The following SLMAP variants were observed in gnomAD, a reference collection of about 807,000 sequenced individuals.
SLMAP encodes sarcolemma associated protein.
A neutral mutation model predicts 128.8 loss-of-function variants in SLMAP; 44 were observed. The ratio of observed to expected loss-of-function variants is 0.34; its 90% confidence interval spans 0.27 to 0.44. The LOEUF (loss-of-function observed/expected upper bound fraction) is 0.44, where lower values mean the gene tolerates loss of function less well. SLMAP is among the 20% of genes least tolerant of loss of function. SLMAP has a pLI of 1.00. For missense variants in SLMAP, 787 were observed against 985.3 expected (o/e 0.80, Z 2.69); for synonymous variants, 327 against 348.8 (o/e 0.94, Z 0.70).
intron 14 of SLMAP, among the ~76,000 whole-genome samples, chr3:57,882,679 G>A (rs1025891606): frequency 3.9e-5 from 6 of 152,180 alleles, no homozygotes; most frequent in African/African-American, 1.4e-4. Flanking sequence ...CAGGCAGCAG[G>A]TTGGATTTGG....
intron 22 of SLMAP, among the ~76,000 whole-genome samples, chr3:57,918,975 G>T (rs1395465270): frequency 6.6e-6 from 1 of 152,222 alleles, no homozygotes. Context: ...GCAAGATGGA[G>T]CAAAAATGAT....
intron 2 of SLMAP, among the ~76,000 whole-genome samples, chr3:57,816,860 G>A (rs2091917330): frequency 6.6e-6 from 1 of 152,194 alleles, no homozygotes; most frequent in Non-Finnish European, 1.5e-5. Flanking sequence ...GAGTATGAGT[G>A]GGTGGAAGCA....
At chr3:57,858,059 T>G (rs2094878202) in intron 7 of SLMAP, 29 bp from the exon 8 acceptor site, 2 of 1,364,708 alleles carry the variant, frequency 1.5e-6, no homozygotes, top group South Asian at 2.4e-5. Context: ...TTACTCGGGT[T>G]TTACTTACAT....
At chr3:57,885,370 A>G (rs1021757337) in intron 14 of SLMAP, among the ~76,000 whole-genome samples, 13 of 149,280 alleles carry the variant, frequency 8.7e-5, no homozygotes, top group Admixed American at 1.3e-4. Context: ...GCACCCAGCC[A>G]GCTTGTTTGT....
intron 22 of SLMAP, among the ~76,000 whole-genome samples, chr3:57,919,554 G>A (rs755631807): frequency 6.6e-6 from 1 of 151,858 alleles, no homozygotes; most frequent in Non-Finnish European, 1.5e-5. Flanking sequence ...CATCATTTTG[G>A]GAGGCCGAGG....
At chr3:57,907,091 G>A (rs1202912252) in intron 17 of SLMAP, among the ~76,000 whole-genome samples, 2 of 151,994 alleles carry the variant, frequency 1.3e-5, no homozygotes, top group Non-Finnish European at 1.5e-5. Context: ...GCAGTGGCGC[G>A]ATCTCGGCTC....
At position 57,757,210 on chromosome 3, in the gene SLMAP, A is replaced by C; in HGVS notation, c.-442A>C. 1 of 203,310 alleles carries C rather than the reference A, an allele frequency of 4.9e-6. No homozygotes were observed. Among genetic ancestry groups the C allele is most frequent in the African/African-American group, 2.4e-5 (1 of 42,426 alleles). The allele number at this position is 203,310 out of a possible 1,614,324, so 12.6% of individuals were successfully genotyped here. A position where few individuals can be genotyped will look rare whatever the true frequency, so the allele number is the denominator to read the frequency against. ...CCTGGCCGCGCCGAACCGACCCTTC[A>C]TTCATGCTGCAGTGCTGCAACGTTT... On this transcript the variant is annotated 5_prime_UTR_variant, in exon 2 of 25. Coordinates refer to ENST00000671191, the MANE Select transcript of SLMAP (RefSeq NM_001377540.1).
intron 2 of SLMAP, among the ~76,000 whole-genome samples, chr3:57,817,298 ATTAT>A (rs1269001605): frequency 6.6e-6 from 1 of 152,138 alleles, no homozygotes; most frequent in African/African-American, 2.4e-5. Context: ...TTTTATTGAT[ATTAT>A]TTATTATTAC....
chr3:57,799,576 T>C (rs1277615336), intron 2 of SLMAP, among the ~76,000 whole-genome samples: 3 of 152,182 alleles, frequency 2.0e-5, no homozygotes, highest in South Asian at 2.1e-4. Context: ...CCTTTAAACA[T>C]TTTGAGCTTT....
intron 6 of SLMAP, among the ~76,000 whole-genome samples, chr3:57,850,910 C>T (rs2094475284): frequency 6.6e-6 from 1 of 152,208 alleles, no homozygotes; most frequent in Admixed American, 6.5e-5. Context: ...GTTGGGATTA[C>T]AGGCATGAGC....
chr3:57,763,968 A>C (rs2079164498), intron 2 of SLMAP, among the ~76,000 whole-genome samples: 1 of 152,180 alleles, frequency 6.6e-6, no homozygotes, highest in African/African-American at 2.4e-5. Flanking sequence ...AAGGGTGCAC[A>C]TCTATTCTGT....
At chr3:57,883,523 G>A (rs990076077) in intron 14 of SLMAP, among the ~76,000 whole-genome samples, 2 of 152,176 alleles carry the variant, frequency 1.3e-5, no homozygotes, top group African/African-American at 2.4e-5. Context: ...CATAAAAGTA[G>A]GAGTGAGTGA....
intron 13 of SLMAP, among the ~76,000 whole-genome samples, chr3:57,867,413 T>G (rs2095336382): frequency 6.6e-6 from 1 of 152,202 alleles, no homozygotes; most frequent in Non-Finnish European, 1.5e-5. Flanking sequence ...TCATATTGTA[T>G]TAATATAATT....
intron 3 of SLMAP, among the ~76,000 whole-genome samples, chr3:57,838,185 A>G (rs1009043412): frequency 8.5e-5 from 13 of 152,216 alleles, no homozygotes; most frequent in African/African-American, 3.1e-4. Context: ...TTTCTACCAA[A>G]TTAAAGTGTA....
intron 15 of SLMAP, among the ~76,000 whole-genome samples, chr3:57,893,876 T>C (rs2096166277): frequency 6.6e-6 from 1 of 152,182 alleles, no homozygotes; most frequent in Non-Finnish European, 1.5e-5. Context: ...GTGACTTCAC[T>C]TCTAATCTAA....
At chr3:57,894,299 C>G (rs561628299) in intron 15 of SLMAP, among the ~76,000 whole-genome samples, 14 of 152,258 alleles carry the variant, frequency 9.2e-5, no homozygotes, top group African/African-American at 2.9e-4. Context: ...AAATGTATAA[C>G]TATTTTTAAT....
chr3:57,850,427 A>C (rs561367869), intron 6 of SLMAP, among the ~76,000 whole-genome samples: 1 of 152,018 alleles, frequency 6.6e-6, no homozygotes, highest in Non-Finnish European at 1.5e-5. Context: ...TCTGTTTTCA[A>C]ATTTTTTTGG....
At chr3:57,853,433 T>C (rs2094577604) in intron 6 of SLMAP, among the ~76,000 whole-genome samples, 1 of 152,212 alleles carries the variant, frequency 6.6e-6, no homozygotes, top group African/African-American at 2.4e-5. Flanking sequence ...AAGTGTATAC[T>C]TCTCTGTTGA....
intron 15 of SLMAP, chr3:57,890,707 AC>A (rs2096042510): frequency 6.6e-6 from 1 of 152,230 alleles, no homozygotes; most frequent in African/African-American, 2.4e-5. Context: ...TTGTCAAGTC[AC>A]TTTTATACAT....
Sources: allele counts gnomAD v4.1 joint callset (sites outside exome capture counted in the v4.1 genomes callset), GRCh38; gene constraint gnomAD v4.1.1; transcripts MANE v1.5; gene names NCBI Gene and HGNC (gene_info 2026-07-23, HGNC 2026-07-21).